The following SLIT2 variants were observed in gnomAD, a reference collection of about 807,000 sequenced individuals.
SLIT2 encodes slit guidance ligand 2, also known as slit homolog 2 protein.
SLIT2 carries 41 observed loss-of-function variants against 185.7 expected under a neutral mutation model. The observed-to-expected ratio is 0.22, with a 90% confidence interval of 0.17 to 0.29. SLIT2 has a LOEUF of 0.29. SLIT2 is among the 10% of genes least tolerant of loss of function. The pLI is 1.00. For missense variants in SLIT2, 1,571 were observed against 1,909.0 expected, an observed-to-expected ratio of 0.82 and a Z score of 3.30; for synonymous variants, 693 against 680.2, an observed-to-expected ratio of 1.02 and a Z score of -0.29.
intron 29 of SLIT2, among the ~76,000 whole-genome samples, chr4:20,579,976 T>TTATATA (rs35738929): frequency 1.6e-4 from 23 of 144,944 alleles, no homozygotes; most frequent in South Asian, 6.3e-4. Context: ...ATAATATATA[T>TTATATA]TATATATATA....
chr4:20,423,013 G>C (rs937614266), intron 4 of SLIT2, among the ~76,000 whole-genome samples: 1 of 152,036 alleles, frequency 6.6e-6, no homozygotes, highest in Non-Finnish European at 1.5e-5. Context: ...TGTTCCTTAA[G>C]TTTTTTAATG....
In SLIT2 at chr4:20,362,383, C is replaced by T. The variant is rs146619194; in HGVS notation, c.395+93502C>T. ...AAGGATACCTCGGAAGAGGCAGGCT[C>T]TCAGTGCGTCAACTTTTCATTGGTT... On this transcript the variant is annotated intron_variant, in intron 4 of 36. Coordinates refer to ENST00000504154, the MANE Select transcript of SLIT2 (RefSeq NM_004787.4). Among the ~76,000 whole-genome samples the T allele has an allele frequency of 4.2e-3, 638 of 152,146 alleles. 3 individuals carry two copies. The highest frequency in any genetic ancestry group is 5.6e-3 in the Non-Finnish European group (378 of 67,996).
chr4:20,287,234 A>G (rs1220863766), intron 4 of SLIT2, among the ~76,000 whole-genome samples: 2 of 152,172 alleles, frequency 1.3e-5, no homozygotes, highest in African/African-American at 4.8e-5. Context: ...GTAAACGTGT[A>G]TTCACTGCCC....
intron 4 of SLIT2, 121 bp from the exon 5 acceptor site, chr4:20,467,631 A>G (rs180684476): frequency 4.6e-4 from 235 of 514,934 alleles, no homozygotes; most frequent in African/African-American, 4.1e-3. Context: ...GGATTTAATT[A>G]TGATCCTTTT....
chr4:20,497,938 C>T (rs1718378462), intron 9 of SLIT2, among the ~76,000 whole-genome samples: 1 of 152,148 alleles, frequency 6.6e-6, no homozygotes, highest in African/African-American at 2.4e-5. Flanking sequence ...CTTTTAGAGG[C>T]CGAGGCGGGC....
At chr4:20,425,198 G>T (rs1410286004) in intron 4 of SLIT2, among the ~76,000 whole-genome samples, 2 of 152,084 alleles carry the variant, frequency 1.3e-5, no homozygotes, top group African/African-American at 4.8e-5. Context: ...TAATGACTTT[G>T]TATTTAAACA....
Position 20,253,894 on chromosome 4 carries a change from G to A in SLIT2, c.79G>A (p.Ala27Thr). The A allele has an allele frequency of 6.2e-7, 1 of 1,601,558 alleles. No homozygotes were observed. Among genetic ancestry groups the A allele is most frequent in the Non-Finnish European group, 8.5e-7 (1 of 1,179,902 alleles). Residue 27 changes from alanine to threonine, a missense_variant, in exon 1 of 37, where the codon GCG becomes ACG. This residue lies in a region of SLIT2 where 1,202 missense variants were observed against 1,416.4 expected (regional missense o/e 0.85). Transcript: ENST00000504154. ...LAILNKVAPQ[A>T]CPAQCSCSGS... is the part of the protein sequence containing the mutation. ...GATCCTGAACAAGGTGGCACCGCAG[G>A]CGTGCCCGGCGCAGTGCTCTTGCTC...
intron 26 of SLIT2, among the ~76,000 whole-genome samples, chr4:20,566,812 T>C (rs561426833): frequency 2.0e-5 from 3 of 152,142 alleles, no homozygotes; most frequent in South Asian, 2.1e-4. Context: ...ATTGTGTATT[T>C]AATTACAGTG....
intron 4 of SLIT2, among the ~76,000 whole-genome samples, chr4:20,465,996 A>G (rs1366142623): frequency 6.6e-6 from 1 of 151,168 alleles, no homozygotes; most frequent in African/African-American, 2.4e-5. Context: ...GTGGAAAATT[A>G]TAAGCGATTA....
intron 4 of SLIT2, among the ~76,000 whole-genome samples, chr4:20,347,477 T>C (rs1260769658): frequency 6.6e-6 from 1 of 152,232 alleles, no homozygotes; most frequent in Non-Finnish European, 1.5e-5. Flanking sequence ...ACCTTACTTA[T>C]TCCTGTGGCA....
rs566561196 is a variant in SLIT2 at position 20,564,362 on chromosome 4, C to A, written c.2726-2900C>A. ...TAGAAACAAGTGGATTTAGATAAAC[C>A]AGGTAGATGTAAAAATCACATTCTG... On this transcript the variant is annotated intron_variant, in intron 26 of 36. Transcript: ENST00000504154. Among the ~76,000 whole-genome samples, 6 of 151,778 alleles carry A rather than the reference C, an allele frequency of 4.0e-5. No homozygotes were observed. The East Asian group carries it at 1.2e-3, about 29-fold the overall frequency.
At chr4:20,502,999 T>A (rs2148815511) in intron 9 of SLIT2, among the ~76,000 whole-genome samples, 1 of 152,158 alleles carries the variant, frequency 6.6e-6, no homozygotes, top group South Asian at 2.1e-4. Context: ...AAAACTTCTA[T>A]GGGAAAAAAA....
At chr4:20,532,996 A>G (rs904339347) in intron 17 of SLIT2, among the ~76,000 whole-genome samples, 1 of 152,200 alleles carries the variant, frequency 6.6e-6, no homozygotes, top group Admixed American at 6.5e-5. Context: ...AAAAGCCTAT[A>G]AACAGTTGAC....
intron 36 of SLIT2, among the ~76,000 whole-genome samples, chr4:20,618,500 A>G (rs925447611): frequency 6.6e-6 from 1 of 152,172 alleles, no homozygotes; most frequent in Non-Finnish European, 1.5e-5. Context: ...CTTTTTTGCA[A>G]TGAAAGAAAA....
intron 26 of SLIT2, among the ~76,000 whole-genome samples, chr4:20,557,977 G>A (rs1724398968): frequency 6.6e-6 from 1 of 152,050 alleles, no homozygotes; most frequent in African/African-American, 2.4e-5. Flanking sequence ...GCCTGAAGAT[G>A]TGACTGAATT....
intron 15 of SLIT2, among the ~76,000 whole-genome samples, chr4:20,526,465 G>A (rs1423161155): frequency 6.6e-6 from 1 of 152,064 alleles, no homozygotes. Context: ...CTAAACACCA[G>A]ACTACCTATA....
At chr4:20,499,358 C>T (rs1718501879) in intron 9 of SLIT2, among the ~76,000 whole-genome samples, 2 of 152,068 alleles carry the variant, frequency 1.3e-5, no homozygotes, top group African/African-American at 4.8e-5. Flanking sequence ...TAGATAACTA[C>T]CTCCCATATA....
chr4:20,343,934 T>C (rs1177918865), intron 4 of SLIT2, among the ~76,000 whole-genome samples: 1 of 152,000 alleles, frequency 6.6e-6, no homozygotes, highest in Non-Finnish European at 1.5e-5. Flanking sequence ...CACTGTAACC[T>C]CCGCCTCCTG....
At position 20,424,384 on chromosome 4, in the gene SLIT2, A is replaced by G. The variant is rs186875674; in HGVS notation, c.396-43368A>G. On this transcript the variant is annotated intron_variant, in intron 4 of 36. Coordinates refer to ENST00000504154, the MANE Select transcript of SLIT2 (RefSeq NM_004787.4). ...TGTTTAAAGTAATTTGAGAAAATAC[A>G]TCAAGAAGTTCAAATGATTCAAAAA... Among the ~76,000 whole-genome samples, 494 of 152,246 alleles carry G rather than the reference A, an allele frequency of 3.2e-3. 6 individuals carry two copies. The highest frequency in any genetic ancestry group is 6.8e-3 in the Middle Eastern group (2 of 294).
Sources: gnomAD v4.1 joint callset for allele counts (sites outside exome capture counted in the v4.1 genomes callset) on GRCh38, gnomAD v4.1.1 for gene constraint, gnomAD v4.1.1 regional missense constraint, MANE v1.5 for transcripts, NCBI Gene and HGNC (gene_info 2026-07-23, HGNC 2026-07-21) for gene names.